Variants in ADAMTS20 observed in about 807,000 individuals in gnomAD.
ADAMTS20 encodes the protein A disintegrin and metalloproteinase with thrombospondin motifs 20.
Under a neutral mutation model 260.1 loss-of-function variants are expected in ADAMTS20, and 225 were observed. That is an observed-to-expected ratio of 0.87 (90% confidence interval 0.78 to 0.97). ADAMTS20 has a LOEUF of 0.97. ADAMTS20 is among the 50% of genes least tolerant of loss of function. The pLI is 0.00. For synonymous variants in ADAMTS20, 802 were observed against 769.5 expected (o/e 1.04, Z -0.70); for missense variants, 2,400 against 2,337.7 (o/e 1.03, Z -0.55).
chr12:43,527,996 G>C (rs1332297214), intron 3 of ADAMTS20, among the ~76,000 whole-genome samples: 3 of 151,968 alleles, frequency 2.0e-5, no homozygotes, highest in African/African-American at 7.2e-5. Context: ...AAAGTCTCAG[G>C]TTATAAAATC....
chr12:43,517,965 G>T (rs1011297589), intron 3 of ADAMTS20, among the ~76,000 whole-genome samples: 29 of 152,090 alleles, frequency 1.9e-4, no homozygotes, highest in African/African-American at 6.5e-4. Flanking sequence ...TACTAACATT[G>T]CTATTGATAA....
intron 37 of ADAMTS20, among the ~76,000 whole-genome samples, chr12:43,364,881 T>G (rs1209579052): frequency 6.6e-6 from 1 of 152,032 alleles, no homozygotes; most frequent in Non-Finnish European, 1.5e-5. Context: ...CCAAAATCAG[T>G]GAAACTTATT....
intron 4 of ADAMTS20, among the ~76,000 whole-genome samples, chr12:43,496,090 C>T (rs888528465): frequency 2.0e-5 from 3 of 152,244 alleles, no homozygotes; most frequent in Non-Finnish European, 2.9e-5. Flanking sequence ...CCTAAAACTA[C>T]CACCCCAAAT....
chr12:43,366,332 A>T (rs1367795966), intron 37 of ADAMTS20, among the ~76,000 whole-genome samples: 3 of 151,952 alleles, frequency 2.0e-5, no homozygotes, highest in African/African-American at 7.2e-5. Context: ...AATAAATGAA[A>T]CAAAACAAAA....
At chr12:43,539,208 C>T (rs1322226635) in intron 2 of ADAMTS20, among the ~76,000 whole-genome samples, 4 of 152,070 alleles carry the variant, frequency 2.6e-5, no homozygotes, top group African/African-American at 4.8e-5. Flanking sequence ...GCCTTGGCCT[C>T]CCAAAGTGCT....
At chr12:43,503,144 GA>G (rs11318240) in intron 3 of ADAMTS20, among the ~76,000 whole-genome samples, 118,106 of 151,888 alleles carry the variant, frequency 0.78, 47,050 homozygotes, top group East Asian at 1. Flanking sequence ...TGCCCTAATG[GA>G]AAAAAAAATT....
intron 28 of ADAMTS20, among the ~76,000 whole-genome samples, chr12:43,419,132 T>C (rs1023668456): frequency 6.6e-6 from 1 of 152,112 alleles, no homozygotes; most frequent in Non-Finnish European, 1.5e-5. Flanking sequence ...ATATTTAACA[T>C]TAATTATTCA....
chr12:43,468,353 A>G (rs1321167003), intron 8 of ADAMTS20, among the ~76,000 whole-genome samples: 3 of 152,212 alleles, frequency 2.0e-5, no homozygotes, highest in Admixed American at 6.5e-5. Flanking sequence ...TCATGTATCC[A>G]ATACAGTAAA....
At position 43,536,760 on chromosome 12, in the gene ADAMTS20, A is replaced by G. The variant is rs761539703; in HGVS notation, c.454-4565T>C. Reference sequence around the variant, plus strand: ...TAGGAGATACAGAGTAGCAGATGACATCAGACAGGCAGAAGCCTGGTTGCA... The same window carrying G: ...TAGGAGATACAGAGTAGCAGATGACGTCAGACAGGCAGAAGCCTGGTTGCA... On this transcript the variant is annotated intron_variant, in intron 2 of 38. Coordinates refer to ENST00000389420, the MANE Select transcript of ADAMTS20 (RefSeq NM_025003.5). Among the ~76,000 whole-genome samples, 184 of 152,362 alleles carry G rather than the reference A, an allele frequency of 1.2e-3. 1 individual carries two copies. Among genetic ancestry groups the G allele is most frequent in the Non-Finnish European group, 1.0e-3 (68 of 68,032 alleles).
intron 3 of ADAMTS20, among the ~76,000 whole-genome samples, chr12:43,505,101 T>G (rs915605436): frequency 6.6e-6 from 1 of 152,180 alleles, no homozygotes; most frequent in African/African-American, 2.4e-5. Flanking sequence ...AAATGATTTT[T>G]GACAAGAGTG....
At chr12:43,523,422 C>A (rs1391637207) in intron 3 of ADAMTS20, among the ~76,000 whole-genome samples, 1 of 152,018 alleles carries the variant, frequency 6.6e-6, no homozygotes, top group Admixed American at 6.6e-5. Flanking sequence ...TGTGATATAA[C>A]CTCAAGTGGG....
At chr12:43,534,868 G>A (rs1004897224) in intron 2 of ADAMTS20, among the ~76,000 whole-genome samples, 10 of 152,254 alleles carry the variant, frequency 6.6e-5, no homozygotes, top group South Asian at 4.2e-4. Flanking sequence ...GGGTGAAACT[G>A]GGTGCATGTA....
At chr12:43,384,990 T>A (rs906468446) in intron 29 of ADAMTS20, among the ~76,000 whole-genome samples, 1 of 152,186 alleles carries the variant, frequency 6.6e-6, no homozygotes, top group South Asian at 2.1e-4. Flanking sequence ...GATTGCTGGG[T>A]CAAATGCTAT....
At chr12:43,462,443 C>T (rs932680270) in intron 11 of ADAMTS20, among the ~76,000 whole-genome samples, 4 of 151,964 alleles carry the variant, frequency 2.6e-5, no homozygotes, top group Admixed American at 6.6e-5. Flanking sequence ...TTGATTTTAG[C>T]GGTATAATGT....
chr12:43,412,334 A>G (rs1344716573), intron 28 of ADAMTS20, among the ~76,000 whole-genome samples: 1 of 152,218 alleles, frequency 6.6e-6, no homozygotes, highest in African/African-American at 2.4e-5. Context: ...ATTTTTATTT[A>G]AAGGGTGAAG....
chr12:43,543,117 T>C (rs984079288), intron 2 of ADAMTS20, among the ~76,000 whole-genome samples: 11 of 151,834 alleles, frequency 7.2e-5, no homozygotes, highest in African/African-American at 2.4e-4. Context: ...CTGGTCAACA[T>C]AGGGGAACAC....
intron 7 of ADAMTS20, among the ~76,000 whole-genome samples, chr12:43,482,959 C>T (rs545924082): frequency 1.3e-5 from 2 of 152,336 alleles, no homozygotes; most frequent in South Asian, 2.1e-4. Flanking sequence ...GCTGTCACCA[C>T]TGCCTGCATC....
intron 36 of ADAMTS20, among the ~76,000 whole-genome samples, chr12:43,372,509 C>A (rs1437733615): frequency 2.6e-5 from 4 of 152,114 alleles, no homozygotes; most frequent in Non-Finnish European, 5.9e-5. Context: ...GATTATAACT[C>A]ATTTAAGAAA....
chr12:43,394,750 G>A (rs900819455), intron 29 of ADAMTS20, among the ~76,000 whole-genome samples: 11 of 152,112 alleles, frequency 7.2e-5, no homozygotes, highest in African/African-American at 2.6e-4. Flanking sequence ...ATGGGATAAC[G>A]ATAACTAGTA....
Sources: gnomAD v4.1 joint callset for allele counts (sites outside exome capture counted in the v4.1 genomes callset) on GRCh38, gnomAD v4.1.1 for gene constraint, MANE v1.5 for transcripts, NCBI Gene and HGNC (gene_info 2026-07-23, HGNC 2026-07-21) for gene names.